The following ADAMTS6 variants were observed in gnomAD, a reference collection of about 807,000 sequenced individuals.
The protein encoded by ADAMTS6 is ADAM metallopeptidase with thrombospondin type 1 motif 6, also known as A disintegrin and metalloproteinase with thrombospondin motifs 6.
Under a neutral mutation model 144.3 loss-of-function variants are expected in ADAMTS6, and 23 were observed. The observed-to-expected ratio is 0.16, with a 90% CI of 0.11 to 0.23. ADAMTS6 has a LOEUF of 0.23. Ranked by LOEUF, ADAMTS6 falls within the 10% of genes least tolerant of loss-of-function variation. The pLI is 1.00. For missense variants in ADAMTS6, 999 were observed against 1,379.6 expected, an observed-to-expected ratio of 0.72 and a Z score of 4.37; for synonymous variants, 444 against 457.5, an observed-to-expected ratio of 0.97 and a Z score of 0.38.
In ADAMTS6 at chr5:65,170,702, A is replaced by G. The variant is rs762641136; in HGVS notation, c.3159T>C (p.Ser1053=). The change falls in exon 24 of 25, where the codon TCT becomes TCC. Residue 1053 remains serine, a synonymous_variant. Coordinates refer to ENST00000381055, the MANE Select transcript of ADAMTS6 (RefSeq NM_197941.4). ...GCCGAACAGTTTCTAGACAGTCACT[A>G]GATGCCTGTCCGGTGTAGGAGAGAC... The part of the protein sequence containing the change: ...VQCLSYTGQA[S]SDCLETVRPP... 13 of 1,613,942 alleles carry G rather than the reference A, an allele frequency of 8.1e-6. No individual in the cohort carries two copies. In the Admixed American group the frequency reaches 1.8e-4, roughly 23 times the overall value.
At chr5:65,245,908 C>T (rs549257810) in intron 14 of ADAMTS6, among the ~76,000 whole-genome samples, 7 of 152,114 alleles carry the variant, frequency 4.6e-5, no homozygotes, top group Non-Finnish European at 5.9e-5. Flanking sequence ...TTGTCAACCC[C>T]GGTATAGGGT....
intron 7 of ADAMTS6, among the ~76,000 whole-genome samples, chr5:65,354,723 G>A (rs1396061076): frequency 6.6e-6 from 1 of 151,294 alleles, no homozygotes; most frequent in Non-Finnish European, 1.5e-5. Flanking sequence ...ATATTATGAA[G>A]CAGCTAACAA....
intron 22 of ADAMTS6, 113 bp from the exon 23 acceptor site, chr5:65,173,121 T>G (rs1264577169): frequency 9.6e-7 from 1 of 1,044,180 alleles, no homozygotes; most frequent in Non-Finnish European, 1.4e-6. Flanking sequence ...ACACATATAC[T>G]AAGTTCTAGG....
At chr5:65,266,866 C>A (rs1464793288) in intron 12 of ADAMTS6, among the ~76,000 whole-genome samples, 1 of 151,856 alleles carries the variant, frequency 6.6e-6, no homozygotes, top group Non-Finnish European at 1.5e-5. Flanking sequence ...TAGTAGTAAA[C>A]ATCAATGTAG....
At chr5:65,163,485 C>G (rs973329607) in intron 24 of ADAMTS6, among the ~76,000 whole-genome samples, 2 of 152,050 alleles carry the variant, frequency 1.3e-5, no homozygotes, top group Admixed American at 1.3e-4. Flanking sequence ...AAAAACAGAC[C>G]ATTTGCAAAG....
rs796324928 is a variant in ADAMTS6 at position 65,173,052 on chromosome 5, C to T, written c.2911-44G>A. ...GTAATGAATCACGACAGTTTAAAGACAGAGGAAAATTTGAAGAAAGTCTTT... is the reference window on the plus strand; with the variant it reads ...GTAATGAATCACGACAGTTTAAAGATAGAGGAAAATTTGAAGAAAGTCTTT... On this transcript the variant is annotated intron_variant, in intron 22 of 24. Coordinates refer to ENST00000381055, the MANE Select transcript of ADAMTS6 (RefSeq NM_197941.4). The T allele has an allele frequency of 2.5e-6, 4 of 1,573,106 alleles. No individual in the cohort carries two copies. The East Asian group carries it at 9.0e-5, about 35-fold the overall frequency.
At chr5:65,371,370 T>TA (rs1210839463) in intron 7 of ADAMTS6, among the ~76,000 whole-genome samples, 2 of 151,936 alleles carry the variant, frequency 1.3e-5, no homozygotes, top group South Asian at 2.1e-4. Flanking sequence ...TTGAAAACTT[T>TA]AAAAAAAATT....
intron 7 of ADAMTS6, among the ~76,000 whole-genome samples, chr5:65,355,757 A>T (rs139763040): frequency 6.6e-6 from 1 of 151,858 alleles, no homozygotes; most frequent in African/African-American, 2.4e-5. Context: ...AATTATATTA[A>T]CATTATCAGC....
intron 18 of ADAMTS6, among the ~76,000 whole-genome samples, chr5:65,219,294 T>C (rs1470325025): frequency 1.3e-5 from 2 of 152,190 alleles, no homozygotes; most frequent in Non-Finnish European, 1.5e-5. Context: ...AAGTGAATAG[T>C]TGTAACACAG....
chr5:65,415,575 C>T (rs933151382), intron 7 of ADAMTS6: 2 of 375,256 alleles, frequency 5.3e-6, no homozygotes, highest in African/African-American at 2.1e-5. Flanking sequence ...GATGAAGTCC[C>T]TGGAGGAGAT....
At chr5:65,228,864 C>T (rs1449140448) in intron 15 of ADAMTS6, among the ~76,000 whole-genome samples, 2 of 152,198 alleles carry the variant, frequency 1.3e-5, no homozygotes, top group Non-Finnish European at 2.9e-5. Context: ...TTGGAAGAGG[C>T]TGGGAGCAGA....
Position 65,456,392 on chromosome 5 carries a change from C to A in ADAMTS6, c.632-3474G>T, listed in dbSNP as rs558460905. Among the ~76,000 whole-genome samples, 13 of 152,278 alleles carry A rather than the reference C, an allele frequency of 8.5e-5. No individual in the cohort carries two copies. In the East Asian group the frequency reaches 2.5e-3, roughly 29 times the overall value. ...TTTCCCAAAATCAATATATGGATTT[C>A]ATTGCCATCTGAAATAAGATTTTAA... is the stretch of plus-strand genomic sequence containing the variant. On this transcript the variant is annotated intron_variant, in intron 4 of 24. Coordinates refer to ENST00000381055, the MANE Select transcript of ADAMTS6 (RefSeq NM_197941.4).
chr5:65,244,825 T>C (rs1759491823), intron 14 of ADAMTS6, among the ~76,000 whole-genome samples: 1 of 152,128 alleles, frequency 6.6e-6, no homozygotes, highest in Non-Finnish European at 1.5e-5. Context: ...CATTACAGGT[T>C]TTAGCTTCCT....
intron 20 of ADAMTS6, chr5:65,210,605 C>G (rs1317557736): frequency 1.6e-6 from 1 of 617,100 alleles, no homozygotes; most frequent in African/African-American, 1.8e-5. Flanking sequence ...GTTTTTGGCA[C>G]CCCAAAGGAA....
In ADAMTS6 at chr5:65,398,781, CAAGAAAGAAAGAAAGAAAGAAAGA is replaced by C. The variant is rs199684759; in HGVS notation, c.1073+52670_1073+52693del. 5.7e-3 allele frequency among the ~76,000 whole-genome samples: 610 copies of C among 106,936 alleles called. 5 individuals carry two copies. Among genetic ancestry groups the C allele is most frequent in the African/African-American group, 0.014 (383 of 28,100 alleles). The allele number at this position is 106,936 out of a possible 152,430, so 70.2% of individuals were successfully genotyped here. On this transcript the variant is annotated intron_variant, in intron 7 of 24. Coordinates refer to ENST00000381055, the MANE Select transcript of ADAMTS6 (RefSeq NM_197941.4). ...AGAGAGAGAGAGAAAGAAGAGAGAG[CAAGAAAGAAAGAAAGAAAGAAAGA>C]AAGAAAGAAAGAAAGAAAGAAAGAA... is the stretch of plus-strand genomic sequence containing the variant.
intron 7 of ADAMTS6, among the ~76,000 whole-genome samples, chr5:65,346,982 A>G (rs1385971742): frequency 6.6e-6 from 1 of 151,810 alleles, no homozygotes; most frequent in Non-Finnish European, 1.5e-5. Flanking sequence ...GAATACATTT[A>G]GCCAAAAAGG....
At chr5:65,467,056 C>T (rs1284418198) in intron 3 of ADAMTS6, among the ~76,000 whole-genome samples, 1 of 148,872 alleles carries the variant, frequency 6.7e-6, no homozygotes, top group African/African-American at 2.5e-5. Flanking sequence ...AAAAAAAGGA[C>T]AGAATGTAAG....
chr5:65,170,885 T>C, intron 23 of ADAMTS6, 112 bp from the exon 24 acceptor site: 1 of 1,178,054 alleles, frequency 8.5e-7, no homozygotes, highest in Non-Finnish European at 1.2e-6. Context: ...TTTTTTTTCT[T>C]TTGAGACACA....
chr5:65,467,023 A>T (rs905058861), intron 3 of ADAMTS6, among the ~76,000 whole-genome samples: 1 of 150,312 alleles, frequency 6.7e-6, no homozygotes, highest in Non-Finnish European at 1.5e-5. Flanking sequence ...CCTGGGCGAC[A>T]GAGCAGACTC....
Sources: allele counts gnomAD v4.1 joint callset (sites outside exome capture counted in the v4.1 genomes callset), GRCh38; gene constraint gnomAD v4.1.1; transcripts MANE v1.5; gene names NCBI Gene and HGNC (gene_info 2026-07-23, HGNC 2026-07-21).